The following TTC39C variants were observed in gnomAD, a reference collection of about 807,000 sequenced individuals.
TTC39C encodes tetratricopeptide repeat protein 39C.
In TTC39C, 33 loss-of-function variants were observed where a neutral mutation model predicts 76.3. The ratio of observed to expected loss-of-function variants is 0.43; its 90% CI spans 0.33 to 0.58. The LOEUF (loss-of-function observed/expected upper bound fraction) is 0.58, where lower values mean the gene tolerates loss of function less well. Among genes scored for constraint, TTC39C ranks in the 20% least tolerant of loss-of-function variants. TTC39C has a pLI of 0.04. For synonymous variants in TTC39C, 254 were observed against 260.6 expected, an observed-to-expected ratio of 0.97 and a Z score of 0.24; for missense variants, 595 against 701.4, an observed-to-expected ratio of 0.85 and a Z score of 1.71.
intron 4 of TTC39C, among the ~76,000 whole-genome samples, chr18:24,075,993 T>C (rs1049370795): frequency 2.0e-5 from 3 of 152,152 alleles, no homozygotes; most frequent in African/African-American, 7.2e-5. Context: ...CTGGTCCTCA[T>C]AAGGTGGGAC....
At chr18:24,045,068 A>C (rs1005915361) in intron 1 of TTC39C, among the ~76,000 whole-genome samples, 1 of 152,110 alleles carries the variant, frequency 6.6e-6, no homozygotes, top group African/African-American at 2.4e-5. Context: ...TGGAAGTTTG[A>C]GACCAGCCTG....
intron 1 of TTC39C, chr18:23,994,406 A>C (rs968906144): frequency 6.6e-6 from 1 of 152,036 alleles, no homozygotes; most frequent in African/African-American, 2.4e-5. Context: ...TGGTTGGCAG[A>C]TGTTTTACAA....
At chr18:24,000,452 C>T (rs542435064) in intron 1 of TTC39C, 1 of 152,376 alleles carries the variant, frequency 6.6e-6, no homozygotes, top group Admixed American at 6.5e-5. Flanking sequence ...CCCACCCTGC[C>T]CACAGCTTGA....
intron 6 of TTC39C, among the ~76,000 whole-genome samples, chr18:24,095,338 C>G (rs991138552): frequency 4.9e-4 from 75 of 152,234 alleles, no homozygotes; most frequent in African/African-American, 1.7e-3. Flanking sequence ...TTATTCGTAT[C>G]AGCAGTAATG....
At chr18:24,091,273 A>G (rs961674990) in intron 6 of TTC39C, among the ~76,000 whole-genome samples, 1 of 152,176 alleles carries the variant, frequency 6.6e-6, no homozygotes, top group Non-Finnish European at 1.5e-5. Context: ...GGCTGTGTTG[A>G]AACCCCATCT....
intron 6 of TTC39C, among the ~76,000 whole-genome samples, chr18:24,090,681 A>G (rs2084505643): frequency 6.6e-6 from 1 of 151,946 alleles, no homozygotes; most frequent in South Asian, 2.1e-4. Context: ...AGAAAACTCC[A>G]CTTCCTACTC....
intron 1 of TTC39C, among the ~76,000 whole-genome samples, chr18:24,056,854 AT>A (rs879915848): frequency 2.1e-3 from 310 of 147,418 alleles, no homozygotes; most frequent in African/African-American, 6.8e-3. Flanking sequence ...TTGTTCTGTA[AT>A]TTTTTTTTTT....
intron 9 of TTC39C, among the ~76,000 whole-genome samples, chr18:24,124,713 C>G (rs911135303): frequency 3.3e-5 from 5 of 152,144 alleles, no homozygotes; most frequent in African/African-American, 9.7e-5. Flanking sequence ...AGAGCACTGG[C>G]ACTCAGTAGA....
At chr18:24,114,674 C>T (rs1483659482) in intron 7 of TTC39C, 27 bp downstream of exon 7, 1 of 1,555,306 alleles carries the variant, frequency 6.4e-7, no homozygotes, top group Non-Finnish European at 8.9e-7. Context: ...TGTCCAGCCT[C>T]TTGTTAAGAA....
rs957664521 is a variant in TTC39C, at chr18:24,086,918, GT to G, written c.984+3848del. On this transcript the variant is annotated intron_variant, in intron 6 of 13. Transcript: ENST00000317571. The stretch of plus-strand genomic sequence containing the variant: ...GTCAGGTATCACATTTTCGTGTTTT[GT>G]TTTTTTTTTTCTTTTGGGGAAAAAG... Among the ~76,000 whole-genome samples, 402 of 145,776 alleles carry G rather than the reference GT, an allele frequency of 2.8e-3. 2 individuals are homozygous for G. Among genetic ancestry groups the G allele is most frequent in the African/African-American group, 9.3e-3 (373 of 39,936 alleles).
At chr18:23,995,095 A>G (rs1421775616) in intron 1 of TTC39C, among the ~76,000 whole-genome samples, 1 of 152,130 alleles carries the variant, frequency 6.6e-6, no homozygotes, top group African/African-American at 2.4e-5. Flanking sequence ...TTATGGTATC[A>G]CTTACCTGCC....
chr18:24,094,860 C>A (rs2084569141), intron 6 of TTC39C, among the ~76,000 whole-genome samples: 1 of 152,186 alleles, frequency 6.6e-6, no homozygotes, highest in South Asian at 2.1e-4. Flanking sequence ...CTATGATTTT[C>A]AAAATGTTAA....
intron 6 of TTC39C, among the ~76,000 whole-genome samples, chr18:24,108,279 A>G (rs928280530): frequency 7.2e-5 from 11 of 152,226 alleles, no homozygotes; most frequent in African/African-American, 2.7e-4. Context: ...AATGTTAAAT[A>G]TGATTTGGAG....
At chr18:24,043,750 C>T (rs1025928256) in intron 1 of TTC39C, among the ~76,000 whole-genome samples, 3 of 152,202 alleles carry the variant, frequency 2.0e-5, no homozygotes, top group Non-Finnish European at 2.9e-5. Flanking sequence ...TCCATAAAGT[C>T]CCTGAGCAAA....
At chr18:24,064,835 A>C (rs992956465) in intron 2 of TTC39C, among the ~76,000 whole-genome samples, 2 of 152,200 alleles carry the variant, frequency 1.3e-5, no homozygotes, top group African/African-American at 4.8e-5. Context: ...GATGTCAGCA[A>C]ATGGGCATGC....
At chr18:24,029,364 A>G (rs2083640882) in intron 1 of TTC39C, among the ~76,000 whole-genome samples, 1 of 152,172 alleles carries the variant, frequency 6.6e-6, no homozygotes, top group African/African-American at 2.4e-5. Flanking sequence ...GGCTTCTTAA[A>G]GTGCTGGGAT....
chr18:24,109,329 A>T (rs538987625), intron 6 of TTC39C, among the ~76,000 whole-genome samples: 2 of 152,152 alleles, frequency 1.3e-5, no homozygotes, highest in East Asian at 3.9e-4. Flanking sequence ...ACCCTGTTTC[A>T]AATAATAATA....
intron 7 of TTC39C, 153 bp downstream of exon 7, chr18:24,114,800 TTCTC>T: frequency 1.8e-6 from 1 of 560,606 alleles, no homozygotes; most frequent in Non-Finnish European, 3.2e-6. Flanking sequence ...GCAATGATAC[TTCTC>T]TCTGATTCTC....
At chr18:24,054,323 G>A (rs2083989028) in intron 1 of TTC39C, among the ~76,000 whole-genome samples, 1 of 152,194 alleles carries the variant, frequency 6.6e-6, no homozygotes, top group African/African-American at 2.4e-5. Flanking sequence ...TTGGCTGGAT[G>A]ATATATTCCG....
Sources: allele counts gnomAD v4.1 joint callset (sites outside exome capture counted in the v4.1 genomes callset), GRCh38; gene constraint gnomAD v4.1.1; transcripts MANE v1.5; gene names NCBI Gene and HGNC (gene_info 2026-07-23, HGNC 2026-07-21).